The following MFSD6 variants were observed in gnomAD, a reference collection of about 807,000 sequenced individuals.
MFSD6 encodes the protein major facilitator superfamily domain-containing protein 6.
A neutral mutation model predicts 56.3 loss-of-function variants in MFSD6; 26 were observed. The ratio of observed to expected loss-of-function variants is 0.46; its 90% CI spans 0.34 to 0.64. The LOEUF (loss-of-function observed/expected upper bound fraction) is 0.64, where lower values mean the gene tolerates loss of function less well. Among genes scored for constraint, MFSD6 ranks in the 30% least tolerant of loss-of-function variants. The probability of loss-of-function intolerance (pLI) is 0.01; values close to 1 mark genes in which losing one functional copy is unlikely to be tolerated. For synonymous variants in MFSD6, 331 were observed against 366.9 expected, an observed-to-expected ratio of 0.90 and a Z score of 1.12; for missense variants, 750 against 986.2, an observed-to-expected ratio of 0.76 and a Z score of 3.21.
Position 190,457,934 on chromosome 2 carries a change from A to T in MFSD6, c.1533-11824A>T, listed in dbSNP as rs1310447646. Among the ~76,000 whole-genome samples the T allele has an allele frequency of 6.6e-6, 1 of 152,218 alleles. No homozygotes were observed. The highest frequency in any genetic ancestry group is 1.5e-5 in the Non-Finnish European group (1 of 68,034). ...ATTTGACCTCAACCACTGGAAAAGC[A>T]AATAGCAATTCATGAAATAAAGTAA... On this transcript the variant is annotated intron_variant, in intron 3 of 7. Transcript: ENST00000392328. The surrounding 1 kb of genome is among the most constrained non-coding windows in gnomAD (Gnocchi z 5.1).
chr2:190,458,416 C>T lies in MFSD6; in HGVS notation c.1533-11342C>T, dbSNP rs1414109213. ...AGAGGATGACTTGTCTGCAAGCCAA[C>T]GAGAGGGGCCCTGGAGAAACCAACA... On this transcript the variant is annotated intron_variant, in intron 3 of 7. Coordinates refer to ENST00000392328, the MANE Select transcript of MFSD6 (RefSeq NM_017694.4). The surrounding 1 kb of genome is among the most constrained non-coding windows in gnomAD (Gnocchi z 5.3). Among the ~76,000 whole-genome samples the T allele has an allele frequency of 6.6e-6, 1 of 152,010 alleles. No individual in the cohort carries two copies. Among genetic ancestry groups the T allele is most frequent in the Non-Finnish European group, 1.5e-5 (1 of 68,016 alleles).
In MFSD6 at chr2:190,451,862, C is replaced by G. The variant is rs1387003555; in HGVS notation, c.1532+14301C>G. 3.3e-5 allele frequency among the ~76,000 whole-genome samples: 5 copies of G among 152,224 alleles called. No individual in the cohort carries two copies. The highest frequency in any genetic ancestry group is 7.3e-5 in the Non-Finnish European group (5 of 68,032). ...TGAGTTTTAGCAGGAGGTGATATAA[C>G]TGATTTCTGCTTTTATGTTTTTTGA... On this transcript the variant is annotated intron_variant, in intron 3 of 7. Coordinates refer to ENST00000392328, the MANE Select transcript of MFSD6 (RefSeq NM_017694.4). The surrounding 1 kb of genome is among the most constrained non-coding windows in gnomAD (Gnocchi z 5.0).
In MFSD6 at chr2:190,412,900, C is replaced by CT. The variant is rs1690617623; in HGVS notation, c.-175-2388dup. Among the ~76,000 whole-genome samples, 1 of 152,164 alleles carries CT rather than the reference C, an allele frequency of 6.6e-6. No individual in the cohort carries two copies. Among genetic ancestry groups the CT allele is most frequent in the Non-Finnish European group, 1.5e-5 (1 of 68,012 alleles). ...GCATTGTCTCAAGTTGGCTGGGCAA[C>CT]TTTTGGAATCTACCAGTCATTTGTT... On this transcript the variant is annotated intron_variant, in intron 1 of 7. Transcript: ENST00000392328. This position sits in a 1 kb window ranked among gnomAD's most constrained non-coding sequence, Gnocchi z 4.1.
rs984946600 is a variant in MFSD6 at position 190,411,240 on chromosome 2, A to G, written c.-176+2737A>G. 1.1e-5 allele frequency: 7 copies of G among 614,614 alleles called. No homozygotes were observed. In the Admixed American group the frequency reaches 2.6e-4, roughly 23 times the overall value. 38.1% of individuals were successfully genotyped at this position (614,614 alleles called of 1,614,324 possible). On this transcript the variant is annotated intron_variant, in intron 1 of 7. Transcript: ENST00000392328. ...AGTGGCTCGATCTCGGCCTACTGCA[A>G]CCTCTGCCTCCTGGGTTCAAACTAT...
At position 190,490,876 on chromosome 2, in the gene MFSD6, A is replaced by C. The variant is rs1689306366; in HGVS notation, c.1891+1010A>C. On this transcript the variant is annotated intron_variant, in intron 6 of 7. Coordinates refer to ENST00000392328, the MANE Select transcript of MFSD6 (RefSeq NM_017694.4). The surrounding 1 kb of genome is among the most constrained non-coding windows in gnomAD (Gnocchi z 4.5). ...AACTTGCTTGTTACAGAAGCCTCAG[A>C]GACAGATTTTAATCTCAATGAGTTA... Among the ~76,000 whole-genome samples the C allele has an allele frequency of 1.3e-5, 2 of 152,350 alleles. No individual in the cohort carries two copies. The highest frequency in any genetic ancestry group is 4.1e-4 in the South Asian group (2 of 4,826).
rs141488870 is a variant in MFSD6 at position 190,423,320 on chromosome 2, A to C, written c.-54+7907A>C. ...ACTCTCTAGTGAATTCCTGGCAATCACCTGTCTATCTCTATTTCAATGATG... is the reference window on the plus strand; with the variant it reads ...ACTCTCTAGTGAATTCCTGGCAATCCCCTGTCTATCTCTATTTCAATGATG... On this transcript the variant is annotated intron_variant, in intron 2 of 7. Transcript: ENST00000392328. The surrounding 1 kb of genome is among the most constrained non-coding windows in gnomAD (Gnocchi z 4.3). 9.9e-5 allele frequency among the ~76,000 whole-genome samples: 15 copies of C among 152,258 alleles called. No individual in the cohort carries two copies. The East Asian group carries it at 2.9e-3, about 29-fold the overall frequency.
rs1687087496 is a variant in MFSD6, at chr2:190,457,203, G to A, written c.1533-12555G>A. Among the ~76,000 whole-genome samples, 1 of 152,176 alleles carries A rather than the reference G, an allele frequency of 6.6e-6. No homozygotes were observed. Among genetic ancestry groups the A allele is most frequent in the Non-Finnish European group, 1.5e-5 (1 of 68,038 alleles). On this transcript the variant is annotated intron_variant, in intron 3 of 7. Transcript: ENST00000392328. The surrounding 1 kb of genome is among the most constrained non-coding windows in gnomAD (Gnocchi z 5.1). ...CCTACTGAAAGAGCATGGTCTGGCAGGGGGATGGGGACCTTGACTTCCACT... is the reference window on the plus strand; with the variant it reads ...CCTACTGAAAGAGCATGGTCTGGCAAGGGGATGGGGACCTTGACTTCCACT...
chr2:190,431,194 G>T lies in MFSD6; in HGVS notation c.-53-4783G>T, dbSNP rs1366645776. ...TCACTTCCCAGATGGGATGGTGGCC[G>T]GGAAGAGGCGCTCCTCACTTCCCAG... On this transcript the variant is annotated intron_variant, in intron 2 of 7. Transcript: ENST00000392328. The surrounding 1 kb of genome is among the most constrained non-coding windows in gnomAD (Gnocchi z 4.4). Among the ~76,000 whole-genome samples, 1 of 151,670 alleles carries T rather than the reference G, an allele frequency of 6.6e-6. No individual in the cohort carries two copies. Among genetic ancestry groups the T allele is most frequent in the African/African-American group, 2.4e-5 (1 of 41,274 alleles).
At chr2:190,472,029 C>T (rs1687972179) in intron 4 of MFSD6, among the ~76,000 whole-genome samples, 1 of 152,160 alleles carries the variant, frequency 6.6e-6, no homozygotes, top group Admixed American at 6.5e-5. Context: ...AGCTGAGGCT[C>T]CTGACTGTTA....
intron 2 of MFSD6, among the ~76,000 whole-genome samples, chr2:190,420,669 C>T (rs1685575557): frequency 6.6e-6 from 1 of 152,124 alleles, no homozygotes; most frequent in African/African-American, 2.4e-5. Flanking sequence ...CCAAAGATGC[C>T]CTACATTGGG....
chr2:190,468,996 G>T (rs1317526353), intron 3 of MFSD6, among the ~76,000 whole-genome samples: 1 of 152,092 alleles, frequency 6.6e-6, no homozygotes, highest in African/African-American at 2.4e-5. Context: ...AGTTCAGAAC[G>T]AGAGACTGAA....
intron 4 of MFSD6, chr2:190,477,260 A>C (rs1688388717): frequency 1.0e-6 from 1 of 983,892 alleles, no homozygotes; most frequent in Non-Finnish European, 1.2e-6. Flanking sequence ...TTCAATAACA[A>C]GGTAATATGC....
intron 1 of MFSD6, among the ~76,000 whole-genome samples, chr2:190,414,759 T>A (rs1690706864): frequency 1.3e-5 from 2 of 152,224 alleles, no homozygotes; most frequent in African/African-American, 2.4e-5. Context: ...AATGATTTTT[T>A]AAAAATCCAG....
In MFSD6 at chr2:190,454,932, G is replaced by A. The variant is rs1044454030; in HGVS notation, c.1533-14826G>A. Among the ~76,000 whole-genome samples, 9 of 132,848 alleles carry A rather than the reference G, an allele frequency of 6.8e-5. No homozygotes were observed. Among genetic ancestry groups the A allele is most frequent in the Non-Finnish European group, 1.2e-4 (8 of 64,176 alleles). 87.2% of individuals were successfully genotyped at this position (132,848 alleles called of 152,430 possible). On this transcript the variant is annotated intron_variant, in intron 3 of 7. Coordinates refer to ENST00000392328, the MANE Select transcript of MFSD6 (RefSeq NM_017694.4). This position sits in a 1 kb window ranked among gnomAD's most constrained non-coding sequence, Gnocchi z 4.6. Reference sequence around the variant, plus strand: ...GTATGTATATGTGTTCCTGGTTTCTGTATGTATATGTATATGTATATGTAT... The same window carrying A: ...GTATGTATATGTGTTCCTGGTTTCTATATGTATATGTATATGTATATGTAT...
Position 190,499,838 on chromosome 2 carries a change from A to T in MFSD6, c.2173-177A>T. On this transcript the variant is annotated intron_variant, in intron 7 of 7. Transcript: ENST00000392328. The surrounding 1 kb of genome is among the most constrained non-coding windows in gnomAD (Gnocchi z 6.0). ...TTTCATGCGGCTCTGGCAGTTGCACATAGGAAAGGAGATGAAAGGTAAGAC... is the reference window on the plus strand; with the variant it reads ...TTTCATGCGGCTCTGGCAGTTGCACTTAGGAAAGGAGATGAAAGGTAAGAC... The T allele has an allele frequency of 6.5e-7, 1 of 1,544,422 alleles. No individual in the cohort carries two copies. Among genetic ancestry groups the T allele is most frequent in the Non-Finnish European group, 8.7e-7 (1 of 1,143,206 alleles).
At chr2:190,432,485 C>T (rs934464216) in intron 2 of MFSD6, among the ~76,000 whole-genome samples, 32 of 152,112 alleles carry the variant, frequency 2.1e-4, no homozygotes, top group African/African-American at 6.0e-4. Context: ...GGCGTGATCT[C>T]GGCTCTCTGC....
chr2:190,436,959 C>G lies in MFSD6; in HGVS notation c.930C>G (p.Asp310Glu), dbSNP rs778140915. 1.9e-6 allele frequency: 3 copies of G among 1,614,210 alleles called. No homozygotes were observed. The highest frequency in any genetic ancestry group is 2.5e-6 in the Non-Finnish European group (3 of 1,180,050). The change falls in exon 3 of 8, where the codon GAC (aspartate) becomes GAG (glutamate). Residue 310 changes from aspartate (D) to glutamate (E), a missense_variant. Asp to Glu is a conservative substitution (Grantham distance 45, BLOSUM62 2). This residue lies in a region of MFSD6 where 376 missense variants were observed against 437.9 expected (regional missense o/e 0.86). Coordinates refer to ENST00000392328, the MANE Select transcript of MFSD6 (RefSeq NM_017694.4). The surrounding 1 kb of genome is among the most constrained non-coding windows in gnomAD (Gnocchi z 5.3). Reference sequence around the variant, plus strand: ...GTGCCTCTTCTGTCACAATCGTAGACACGGTCACACTCCAGTATCTGGGAA... The same window carrying G: ...GTGCCTCTTCTGTCACAATCGTAGAGACGGTCACACTCCAGTATCTGGGAA... ...FFSASSVTIV[D>E]TVTLQYLGKH...
intron 3 of MFSD6, among the ~76,000 whole-genome samples, chr2:190,445,468 A>AAAAC (rs1553518916): frequency 3.4e-5 from 5 of 146,416 alleles, no homozygotes; most frequent in African/African-American, 1.2e-4. Context: ...AAAAAAAAAA[A>AAAAC]CCCCGACTAT....
rs1038994512 is a variant in MFSD6 at position 190,456,090 on chromosome 2, A to G, written c.1533-13668A>G. ...CTTGTAGCTGGGATTACAGGCATGC[A>G]TCACCATGCCCAGCTAATTTTTATA... On this transcript the variant is annotated intron_variant, in intron 3 of 7. Coordinates refer to ENST00000392328, the MANE Select transcript of MFSD6 (RefSeq NM_017694.4). The surrounding 1 kb of genome is among the most constrained non-coding windows in gnomAD (Gnocchi z 5.4). Among the ~76,000 whole-genome samples, 4 of 151,560 alleles carry G rather than the reference A, an allele frequency of 2.6e-5. No individual in the cohort carries two copies. Among genetic ancestry groups the G allele is most frequent in the African/African-American group, 9.7e-5 (4 of 41,228 alleles).
Sources: gnomAD v4.1 joint callset for allele counts (sites outside exome capture counted in the v4.1 genomes callset) on GRCh38, gnomAD v4.1.1 for gene constraint, gnomAD v4.1.1 regional missense constraint, Gnocchi (gnomAD v3.1) non-coding constraint, MANE v1.5 for transcripts, NCBI Gene and HGNC (gene_info 2026-07-23, HGNC 2026-07-21) for gene names.